The following CCNJL variants were observed in gnomAD, a reference collection of about 807,000 sequenced individuals.
CCNJL encodes cyclin-J-like protein.
Under a neutral mutation model 33.4 loss-of-function variants are expected in CCNJL, and 33 were observed. The ratio of observed to expected loss-of-function variants is 0.99; its 90% CI spans 0.75 to 1.32. The LOEUF (loss-of-function observed/expected upper bound fraction) is 1.32, where lower values mean the gene tolerates loss of function less well. Ranked by LOEUF, CCNJL falls within the 40% of genes most tolerant of loss-of-function variation. CCNJL has a pLI of 0.00. For missense variants in CCNJL, 512 were observed against 499.7 expected, an observed-to-expected ratio of 1.02 and a Z score of -0.23; for synonymous variants, 227 against 220.9, an observed-to-expected ratio of 1.03 and a Z score of -0.24.
Position 160,257,717 on chromosome 5 carries a change from A to C in CCNJL, c.583+1752T>G, listed in dbSNP as rs544409274. 3.3e-5 allele frequency among the ~76,000 whole-genome samples: 5 copies of C among 152,248 alleles called. No individual in the cohort carries two copies. In the South Asian group the frequency reaches 1.0e-3, roughly 32 times the overall value. On this transcript the variant is annotated intron_variant, in intron 4 of 5. Transcript: ENST00000257536. ...CAGCATCATTTTCCTCTTTTGTAAA[A>C]TATGATTAATGGAGGTGATTTTGGT...
At chr5:160,282,491 A>C (rs894399748) in intron 2 of CCNJL, among the ~76,000 whole-genome samples, 1 of 152,230 alleles carries the variant, frequency 6.6e-6, no homozygotes, top group Non-Finnish European at 1.5e-5. Flanking sequence ...TTATGCTTCC[A>C]AAGATACCAT....
chr5:160,313,766 A>G (rs924048862), upstream of CCNJL, among the ~76,000 whole-genome samples: 9 of 152,280 alleles, frequency 5.9e-5, no homozygotes, highest in Non-Finnish European at 1.3e-4. Context: ...TCTATTTAAT[A>G]AAATTTTAAT....
At chr5:160,339,077 G>A (rs574520927) in intron 1 of CCNJL, among the ~76,000 whole-genome samples, 43 of 152,020 alleles carry the variant, frequency 2.8e-4, no homozygotes, top group African/African-American at 9.6e-4. Context: ...ATGAGCCACC[G>A]CACCCAGGCT....
intron 2 of CCNJL, among the ~76,000 whole-genome samples, chr5:160,299,225 C>G (rs1762848220): frequency 6.6e-6 from 1 of 152,108 alleles, no homozygotes; most frequent in Non-Finnish European, 1.5e-5. Context: ...CCTCGGCTCA[C>G]TGCAACCTCT....
chr5:160,298,508 G>C (rs1762820995), intron 2 of CCNJL, among the ~76,000 whole-genome samples: 1 of 152,212 alleles, frequency 6.6e-6, no homozygotes, highest in Non-Finnish European at 1.5e-5. Flanking sequence ...GAGCTGGAGA[G>C]ACCCAGCGCC....
At chr5:160,309,597 C>T (rs888855817) in intron 2 of CCNJL, among the ~76,000 whole-genome samples, 1 of 152,214 alleles carries the variant, frequency 6.6e-6, no homozygotes, top group Non-Finnish European at 1.5e-5. Flanking sequence ...AAAATGCCAG[C>T]CCTCATTCCT....
chr5:160,315,660 T>C (rs188724620), upstream of CCNJL, among the ~76,000 whole-genome samples: 387 of 152,302 alleles, frequency 2.5e-3, 3 homozygotes, highest in African/African-American at 8.8e-3. Flanking sequence ...GGTAGGATTA[T>C]GGTAAATTTT....
chr5:160,311,839 A>C lies in CCNJL; in HGVS notation c.66+19T>G. The C allele has an allele frequency of 6.2e-7, 1 of 1,611,308 alleles. No individual in the cohort carries two copies. Among genetic ancestry groups the C allele is most frequent in the Non-Finnish European group, 8.5e-7 (1 of 1,177,418 alleles). On this transcript the variant is annotated intron_variant, in intron 2 of 5. Coordinates refer to ENST00000257536, the MANE Select transcript of CCNJL (RefSeq NM_001308173.3). Reference sequence around the variant, plus strand: ...ACTGTACCCAGTCTTGAGAGTGACAAGGGCAGGGAGGGACTGACCTTCTCG... The same window carrying C: ...ACTGTACCCAGTCTTGAGAGTGACACGGGCAGGGAGGGACTGACCTTCTCG...
At chr5:160,334,591 T>C (rs1457277882) in intron 1 of CCNJL, among the ~76,000 whole-genome samples, 1 of 152,180 alleles carries the variant, frequency 6.6e-6, no homozygotes, top group Non-Finnish European at 1.5e-5. Flanking sequence ...TTAAGAGACT[T>C]GTCCAAGATC....
intron 1 of CCNJL, among the ~76,000 whole-genome samples, chr5:160,329,882 G>T (rs776461747): frequency 1.2e-4 from 18 of 152,160 alleles, no homozygotes; most frequent in Non-Finnish European, 2.4e-4. Context: ...GACAGGTATT[G>T]TTAGGACACC....
intron 1 of CCNJL, among the ~76,000 whole-genome samples, chr5:160,332,370 C>G (rs1682844276): frequency 6.6e-6 from 1 of 152,204 alleles, no homozygotes; most frequent in Non-Finnish European, 1.5e-5. Context: ...TACATCTGCC[C>G]TTGCCCCTCT....
chr5:160,259,511 G>A lies in CCNJL; in HGVS notation c.541C>T (p.Leu181Phe), dbSNP rs1253541334. 1 of 1,614,164 alleles carries A rather than the reference G, an allele frequency of 6.2e-7. No individual in the cohort carries two copies. Among genetic ancestry groups the A allele is most frequent in the Non-Finnish European group, 8.5e-7 (1 of 1,179,998 alleles). Residue 181 changes from leucine (L) to phenylalanine (F), a missense_variant, in exon 4 of 6, where the codon CTC becomes TTC. Physicochemically the swap from Leu to Phe is conservative, Grantham distance 22 (BLOSUM62 0). Coordinates refer to ENST00000257536, the MANE Select transcript of CCNJL (RefSeq NM_001308173.3). ...TTCPRKTKEC[L>F]KEYAHYFLEV... ...AGGAAGTAATGGGCATACTCCTTGA[G>A]GCACTCTTTGGTCTTGCGGGGGCAG...
intron 1 of CCNJL, among the ~76,000 whole-genome samples, chr5:160,321,180 G>T (rs1418745776): frequency 6.6e-6 from 1 of 151,630 alleles, no homozygotes; most frequent in Non-Finnish European, 1.5e-5. Context: ...GTAGGTGTGT[G>T]ATAGGAGCCC....
chr5:160,296,043 T>G (rs553068899), intron 2 of CCNJL, among the ~76,000 whole-genome samples: 2 of 152,350 alleles, frequency 1.3e-5, no homozygotes, highest in Admixed American at 1.3e-4. Flanking sequence ...GTGTACACAA[T>G]TTTTGTTCAT....
chr5:160,306,701 CTA>C (rs1403261545), intron 2 of CCNJL, among the ~76,000 whole-genome samples: 2 of 152,266 alleles, frequency 1.3e-5, no homozygotes, highest in African/African-American at 4.8e-5. Context: ...AGAGGGAAGA[CTA>C]TGTGTAAAAT....
chr5:160,322,092 A>G (rs1763472484), intron 1 of CCNJL, among the ~76,000 whole-genome samples: 1 of 152,172 alleles, frequency 6.6e-6, no homozygotes, highest in African/African-American at 2.4e-5. Context: ...TCTTGAGCAT[A>G]GTTAGAAACA....
rs1371326795 is a variant in CCNJL, at chr5:160,320,994, CTT to C, written n.207-5491_207-5490del. ...TCTCCCTCCCTCTCTCTCTTTCTTT[CTT>C]TCTCTCTCTCTCTCTCTCTTTCTTT... On this transcript the variant is annotated intron_variant and non_coding_transcript_variant, in intron 1 of 7. Coordinates refer to the CCNJL transcript ENST00000377503. 4.1e-3 allele frequency among the ~76,000 whole-genome samples: 359 copies of C among 88,596 alleles called. 9 individuals carry two copies. The highest frequency in any genetic ancestry group is 4.8e-3 in the Non-Finnish European group (220 of 45,698). 58.1% of individuals were successfully genotyped at this position (88,596 alleles called of 152,430 possible). A position where few individuals can be genotyped will look rare whatever the true frequency, so the allele number is the denominator to read the frequency against.
At chr5:160,335,982 C>T (rs981709831) in intron 1 of CCNJL, among the ~76,000 whole-genome samples, 1 of 152,162 alleles carries the variant, frequency 6.6e-6, no homozygotes, top group Non-Finnish European at 1.5e-5. Context: ...TCCTCCTCAT[C>T]GTCCACAATC....
At chr5:160,294,969 G>C (rs563920161) in intron 2 of CCNJL, 1 of 152,224 alleles carries the variant, frequency 6.6e-6, no homozygotes, top group African/African-American at 2.4e-5. Context: ...CGACCCTAAT[G>C]AGAAGCCCAA....
Sources: gnomAD v4.1 joint callset for allele counts (sites outside exome capture counted in the v4.1 genomes callset) on GRCh38, gnomAD v4.1.1 for gene constraint, MANE v1.5 for transcripts, NCBI Gene and HGNC (gene_info 2026-07-23, HGNC 2026-07-21) for gene names.